Variants in HMGB1 observed in about 807,000 individuals in gnomAD.
HMGB1 encodes high mobility group box 1, also known as high mobility group protein B1.
For missense variants in HMGB1, 79 were observed against 253.5 expected (o/e 0.31, Z 4.67); for synonymous variants, 81 against 84.0 (o/e 0.96, Z 0.19).
At chr13:30,600,300 T>A (rs533039387) in intron 1 of HMGB1, among the ~76,000 whole-genome samples, 1 of 152,350 alleles carries the variant, frequency 6.6e-6, no homozygotes, top group African/African-American at 2.4e-5. Context: ...ATAAATTCCA[T>A]CAGTATGAAA....
intron 1 of HMGB1, among the ~76,000 whole-genome samples, chr13:30,490,942 C>A (rs574838266): frequency 1.3e-5 from 2 of 152,150 alleles, no homozygotes; most frequent in Admixed American, 6.5e-5. Context: ...GATATCTTCA[C>A]CTGCAAGTGA....
At chr13:30,582,091 A>G (rs114577644) in intron 1 of HMGB1, among the ~76,000 whole-genome samples, 1,994 of 152,292 alleles carry the variant, frequency 0.013, 44 homozygotes, top group African/African-American at 0.044. Flanking sequence ...ACAAGACATC[A>G]GTCAAAGATA....
intron 1 of HMGB1, among the ~76,000 whole-genome samples, chr13:30,539,146 C>T (rs1254763079): frequency 6.6e-6 from 1 of 152,220 alleles, no homozygotes. Flanking sequence ...ATCCGCCCGC[C>T]TCAGCCTCCC....
intron 1 of HMGB1, among the ~76,000 whole-genome samples, chr13:30,564,758 T>C (rs954009875): frequency 6.6e-6 from 1 of 152,208 alleles, no homozygotes; most frequent in African/African-American, 2.4e-5. Flanking sequence ...AACCTCATGA[T>C]ATAAACAACT....
chr13:30,576,414 C>T (rs901982904), intron 1 of HMGB1, among the ~76,000 whole-genome samples: 9 of 152,084 alleles, frequency 5.9e-5, no homozygotes, highest in African/African-American at 2.2e-4. Context: ...AAGCCTGTTC[C>T]CTTTTCTCAC....
intron 1 of HMGB1, among the ~76,000 whole-genome samples, chr13:30,508,594 T>C (rs1249651710): frequency 6.6e-6 from 1 of 152,202 alleles, no homozygotes; most frequent in Admixed American, 6.5e-5. Context: ...TTGATCCTTG[T>C]ACTCAGTTAA....
At chr13:30,519,978 T>C (rs534247112) in intron 1 of HMGB1, among the ~76,000 whole-genome samples, 1 of 152,308 alleles carries the variant, frequency 6.6e-6, no homozygotes, top group South Asian at 2.1e-4. Context: ...CTCTTTTGCA[T>C]ACATAAAAAG....
chr13:30,518,846 C>CAA (rs58109089), intron 1 of HMGB1, among the ~76,000 whole-genome samples: 58 of 88,950 alleles, frequency 6.5e-4, no homozygotes, highest in South Asian at 1.4e-3. Context: ...GCTGGGACCA[C>CAA]AAAAAAAAAA....
chr13:30,526,474 CAG>C (rs1290322676), intron 1 of HMGB1, among the ~76,000 whole-genome samples: 2 of 152,188 alleles, frequency 1.3e-5, no homozygotes, highest in African/African-American at 4.8e-5. Context: ...GACATTAAGA[CAG>C]AGAACAGTGA....
chr13:30,509,622 T>C (rs1887946440), intron 1 of HMGB1, among the ~76,000 whole-genome samples: 1 of 152,160 alleles, frequency 6.6e-6, no homozygotes, highest in Admixed American at 6.5e-5. Context: ...CCTGGGGATA[T>C]GAAGATAATG....
rs564382828 is a variant in HMGB1 at position 30,609,124 on chromosome 13, G to A, written c.-15+7547C>T. On this transcript the variant is annotated intron_variant, in intron 1 of 4. Transcript: ENST00000405805. The stretch of plus-strand genomic sequence containing the variant: ...TAAAAATACAAAAAATTAGCCCGGC[G>A]TAGTGGTGGGAGCCTGTAGTCCCAG... Among the ~76,000 whole-genome samples the A allele has an allele frequency of 6.6e-5, 10 of 152,234 alleles. No individual in the cohort carries two copies. The South Asian group carries it at 8.3e-4, about 13-fold the overall frequency.
upstream of HMGB1, among the ~76,000 whole-genome samples, chr13:30,469,329 G>C (rs1886869220): frequency 6.6e-6 from 1 of 152,158 alleles, no homozygotes; most frequent in African/African-American, 2.4e-5. Flanking sequence ...TCCCCTCTAG[G>C]ATAGGGGACG....
At chr13:30,593,905 G>T (rs759099086) in intron 1 of HMGB1, among the ~76,000 whole-genome samples, 1 of 152,190 alleles carries the variant, frequency 6.6e-6, no homozygotes, top group Non-Finnish European at 1.5e-5. Context: ...AAAGTTAAAT[G>T]CAAGAAAGGA....
chr13:30,526,369 A>G (rs1041999778), intron 1 of HMGB1, among the ~76,000 whole-genome samples: 1 of 152,182 alleles, frequency 6.6e-6, no homozygotes, highest in Admixed American at 6.5e-5. Flanking sequence ...AACACATATT[A>G]TATACCACAG....
rs1021700879 is a variant in HMGB1 at position 30,460,775 on chromosome 13, A to G, written c.*582T>C. ...GGTGTGTAGACAAAAGCTTTTTATT[A>G]GCTAACTATATGAAAGGATAAACAC... On this transcript the variant is annotated 3_prime_UTR_variant, in exon 5 of 5. Transcript: ENST00000341423. 6.5e-6 allele frequency: 1 copy of G among 153,864 alleles called. No homozygotes were observed. The highest frequency in any genetic ancestry group is 2.4e-5 in the African/African-American group (1 of 41,466). The allele number at this position is 153,864 out of a possible 1,614,324, so 9.5% of individuals were successfully genotyped here.
intron 1 of HMGB1, among the ~76,000 whole-genome samples, chr13:30,478,876 T>C (rs1203439899): frequency 2.7e-5 from 4 of 149,304 alleles, no homozygotes; most frequent in African/African-American, 7.4e-5. Context: ...CTTTTCTTTT[T>C]TTTTTTTTTT....
At chr13:30,512,600 T>C (rs578136798) in intron 1 of HMGB1, among the ~76,000 whole-genome samples, 16 of 152,320 alleles carry the variant, frequency 1.1e-4, no homozygotes, top group Admixed American at 2.0e-4. Flanking sequence ...ACCAAATGCA[T>C]TGGCCTTCAG....
intron 1 of HMGB1, among the ~76,000 whole-genome samples, chr13:30,570,269 A>G (rs1371639229): frequency 6.6e-6 from 1 of 152,366 alleles, no homozygotes; most frequent in East Asian, 1.9e-4. Context: ...CCTGGTCAAC[A>G]TAGCGAGACC....
chr13:30,613,530 A>C (rs934292973), intron 1 of HMGB1, among the ~76,000 whole-genome samples: 3 of 152,238 alleles, frequency 2.0e-5, no homozygotes, highest in African/African-American at 7.2e-5. Flanking sequence ...TGCTCATTGT[A>C]AATCTTGCTC....
Sources: gnomAD v4.1 joint callset for allele counts (sites outside exome capture counted in the v4.1 genomes callset) on GRCh38, gnomAD v4.1.1 for gene constraint, MANE v1.5 for transcripts, NCBI Gene and HGNC (gene_info 2026-07-23, HGNC 2026-07-21) for gene names.